PTPRT: variants seen among roughly 807,000 people sequenced by gnomAD.
PTPRT encodes protein tyrosine phosphatase receptor type T.
Under a neutral mutation model 176.8 loss-of-function variants are expected in PTPRT, and 56 were observed. That is an observed-to-expected ratio of 0.32 (90% CI 0.26 to 0.40). The LOEUF (loss-of-function observed/expected upper bound fraction) is 0.40. PTPRT is among the 10% of genes least tolerant of loss of function. The pLI, the probability that PTPRT is intolerant of heterozygous loss-of-function variation, is 1.00. For synonymous variants in PTPRT, 783 were observed against 739.0 expected (o/e 1.06, Z -0.96); for missense variants, 1,540 against 1,908.2 (o/e 0.81, Z 3.60).
intron 9 of PTPRT, among the ~76,000 whole-genome samples, chr20:42,408,052 C>T (rs923739592): frequency 6.6e-6 from 1 of 152,026 alleles, no homozygotes; most frequent in African/African-American, 2.4e-5. Flanking sequence ...TGAGCAAACT[C>T]AATATTATAA....
chr20:43,180,645 T>C (rs924409678), intron 1 of PTPRT, among the ~76,000 whole-genome samples: 2 of 151,988 alleles, frequency 1.3e-5, no homozygotes, highest in Non-Finnish European at 2.9e-5. Flanking sequence ...GCATTTTTAG[T>C]AAAGACAAGG....
At chr20:43,003,503 C>T (rs1568728193) in intron 1 of PTPRT, among the ~76,000 whole-genome samples, 2 of 152,304 alleles carry the variant, frequency 1.3e-5, no homozygotes, top group East Asian at 3.9e-4. Flanking sequence ...CGCCCAGCCT[C>T]TTGTGCTATT....
chr20:42,612,313 C>T (rs1475794927), intron 7 of PTPRT, among the ~76,000 whole-genome samples: 2 of 152,216 alleles, frequency 1.3e-5, no homozygotes, highest in East Asian at 3.8e-4. Flanking sequence ...CAACTGTCAG[C>T]AAGAACAGTT....
chr20:43,106,005 G>T, intron 1 of PTPRT, among the ~76,000 whole-genome samples: 1 of 152,166 alleles, frequency 6.6e-6, no homozygotes, highest in Middle Eastern at 3.4e-3. Context: ...ACAGGTTCAG[G>T]GGGTGAGGGG....
At chr20:43,184,826 C>T (rs1400708371) in intron 1 of PTPRT, among the ~76,000 whole-genome samples, 1 of 152,172 alleles carries the variant, frequency 6.6e-6, no homozygotes, top group African/African-American at 2.4e-5. Flanking sequence ...AGAATCCTCA[C>T]TGGGTCCCTC....
intron 1 of PTPRT, among the ~76,000 whole-genome samples, chr20:42,931,480 G>A (rs1252608465): frequency 2.0e-5 from 3 of 152,202 alleles, no homozygotes; most frequent in Admixed American, 6.5e-5. Flanking sequence ...ACAGCACAAG[G>A]TGGGAGCCAC....
intron 7 of PTPRT, among the ~76,000 whole-genome samples, chr20:42,557,179 T>A (rs1194265278): frequency 6.6e-6 from 1 of 152,134 alleles, no homozygotes; most frequent in East Asian, 1.9e-4. Context: ...CCACAACTCA[T>A]TCATTGATTC....
At chr20:42,648,817 G>GTTGTTTTTTTTTTTGTC (rs1569054177) in intron 7 of PTPRT, among the ~76,000 whole-genome samples, 1 of 109,896 alleles carries the variant, frequency 9.1e-6, no homozygotes, top group Non-Finnish European at 1.7e-5. Context: ...TTTTGGTGTC[G>GTTGTTTTTTTTTTTGTC]TTGTTTTTTT....
At chr20:42,642,549 C>G (rs1043668130) in intron 7 of PTPRT, among the ~76,000 whole-genome samples, 1 of 152,122 alleles carries the variant, frequency 6.6e-6, no homozygotes, top group Non-Finnish European at 1.5e-5. Flanking sequence ...CTGAGCTAAA[C>G]TAAGGACTGT....
At chr20:42,063,943 A>T in the PTPRT span, 2 of 152,082 alleles carry the variant, frequency 1.3e-5, no homozygotes. Context: ...AACATTGACA[A>T]TGTATATACT....
intron 14 of PTPRT, among the ~76,000 whole-genome samples, chr20:42,239,285 T>C (rs1034687345): frequency 6.6e-6 from 1 of 152,096 alleles, no homozygotes; most frequent in Admixed American, 6.6e-5. Flanking sequence ...CTCTAAAAGA[T>C]AGGAATTAGT....
chr20:42,805,049 C>T (rs924858724), intron 2 of PTPRT, among the ~76,000 whole-genome samples: 37 of 152,074 alleles, frequency 2.4e-4, no homozygotes, highest in Admixed American at 2.0e-3. Flanking sequence ...GTTCATCACC[C>T]AAAGAGTTAT....
At chr20:42,473,759 T>A (rs370172043) in intron 7 of PTPRT, among the ~76,000 whole-genome samples, 4 of 152,158 alleles carry the variant, frequency 2.6e-5, no homozygotes, top group African/African-American at 9.7e-5. Flanking sequence ...GCAGGCACCA[T>A]CCACCATGCC....
chr20:42,881,582 A>G (rs2079010023), intron 2 of PTPRT, among the ~76,000 whole-genome samples: 1 of 152,044 alleles, frequency 6.6e-6, no homozygotes, highest in African/African-American at 2.4e-5. Context: ...AAAGTTAGCC[A>G]GGCATGGCGA....
chr20:42,797,058 C>G (rs1276015115), intron 2 of PTPRT, among the ~76,000 whole-genome samples: 1 of 152,168 alleles, frequency 6.6e-6, no homozygotes, highest in African/African-American at 2.4e-5. Flanking sequence ...CTTTCCCATA[C>G]CCCTAAAGTT....
At chr20:43,119,274 C>T (rs1027477943) in intron 1 of PTPRT, among the ~76,000 whole-genome samples, 37 of 152,124 alleles carry the variant, frequency 2.4e-4, no homozygotes, top group Non-Finnish European at 5.1e-4. Flanking sequence ...GGTTTGGGGA[C>T]GGCAAGTAGT....
Position 42,110,428 on chromosome 20 carries a change from G to A in PTPRT, c.3159C>T (p.His1053=), listed in dbSNP as rs111792993. Residue 1053 remains histidine, a synonymous_variant, in exon 23 of 31, where the codon CAC becomes CAT. Transcript: ENST00000373187. ...RLFHFTSWPD[H]GVPCYATGLL... is the part of the protein sequence containing the mutation. ...GGCCAGTGGCATAGCAGGGAACGCC[G>A]TGGTCAGGCCAGCTGGTGAAGTGGA... 1,032 of 1,613,020 alleles carry A rather than the reference G, an allele frequency of 6.4e-4. 11 individuals carry two copies. In the African/African-American group the frequency reaches 0.011, roughly 17 times the overall value.
intron 16 of PTPRT, among the ~76,000 whole-genome samples, chr20:42,162,379 G>A (rs891166805): frequency 6.6e-6 from 1 of 152,148 alleles, no homozygotes; most frequent in Non-Finnish European, 1.5e-5. Flanking sequence ...CCAATGAGTT[G>A]CTTTAACTGC....
intron 16 of PTPRT, among the ~76,000 whole-genome samples, chr20:42,188,493 T>C (rs564973899): frequency 5.5e-4 from 83 of 152,098 alleles, no homozygotes; most frequent in Non-Finnish European, 6.6e-4. Flanking sequence ...ACATGCCTCA[T>C]AGCATTGTTG....
Sources: allele counts gnomAD v4.1 joint callset (sites outside exome capture counted in the v4.1 genomes callset), GRCh38; gene constraint gnomAD v4.1.1; transcripts MANE v1.5; gene names NCBI Gene and HGNC (gene_info 2026-07-23, HGNC 2026-07-21).